Variants in SND1 observed in about 807,000 individuals in gnomAD.
SND1 encodes the protein staphylococcal nuclease domain-containing protein 1.
A neutral mutation model predicts 121.7 loss-of-function variants in SND1; 38 were observed. The observed-to-expected ratio is 0.31, with a 90% CI of 0.24 to 0.41. The LOEUF (loss-of-function observed/expected upper bound fraction) is 0.41, where lower values mean the gene tolerates loss of function less well. SND1 is among the 10% of genes least tolerant of loss of function. SND1 has a pLI of 1.00. For missense variants in SND1, 868 were observed against 1,184.6 expected (o/e 0.73, Z 3.92); for synonymous variants, 401 against 447.4 (o/e 0.90, Z 1.31).
intron 16 of SND1, chr7:128,028,785 G>A (rs1376264170): frequency 6.2e-7 from 1 of 1,614,138 alleles, no homozygotes. Flanking sequence ...GCTGTTTTCT[G>A]TCCAGTGGGC....
chr7:127,991,014 G>A lies in SND1; in HGVS notation c.1737G>A (p.Glu579=). ...GLVQEGEPFS[E]EATLFTKELV... ...TGCAGGAAGGAGAGCCCTTCAGCGA[G>A]GAAGCTACACTTTTCACCAAGGAAC... The change falls in exon 16 of 24, where the codon GAG becomes GAA. Residue 579 remains glutamate (E), a synonymous_variant. Coordinates refer to ENST00000354725, the MANE Select transcript of SND1 (RefSeq NM_014390.4). The A allele has an allele frequency of 6.2e-7, 1 of 1,614,054 alleles. No homozygotes were observed. The highest frequency in any genetic ancestry group is 1.1e-5 in the South Asian group (1 of 91,064).
At chr7:127,836,629 A>T (rs947184410) in intron 11 of SND1, among the ~76,000 whole-genome samples, 1 of 152,178 alleles carries the variant, frequency 6.6e-6, no homozygotes, top group Non-Finnish European at 1.5e-5. Flanking sequence ...AAAAATATAT[A>T]AAAATAAGTA....
At chr7:127,934,905 C>T (rs1417074786) in intron 15 of SND1, among the ~76,000 whole-genome samples, 2 of 152,050 alleles carry the variant, frequency 1.3e-5, no homozygotes, top group Non-Finnish European at 2.9e-5. Flanking sequence ...CTGCATGGAG[C>T]GGGCTGAGTG....
chr7:128,003,207 C>CA (rs1042299209), intron 16 of SND1, among the ~76,000 whole-genome samples: 2 of 150,062 alleles, frequency 1.3e-5, no homozygotes, highest in African/African-American at 2.4e-5. Context: ...CAAGACTCTC[C>CA]AAAAAAAAGA....
intron 10 of SND1, among the ~76,000 whole-genome samples, chr7:127,733,682 G>C (rs1391152725): frequency 1.3e-5 from 2 of 152,174 alleles, no homozygotes; most frequent in African/African-American, 4.8e-5. Flanking sequence ...TTCTGGGTTT[G>C]CACAGGACTG....
At chr7:128,090,610 G>A (rs1210790837) in intron 22 of SND1, among the ~76,000 whole-genome samples, 1 of 152,188 alleles carries the variant, frequency 6.6e-6, no homozygotes, top group Non-Finnish European at 1.5e-5. Flanking sequence ...GGCAAGAAAG[G>A]CGGGGCATGA....
At chr7:127,768,873 A>G (rs1265379671) in intron 10 of SND1, among the ~76,000 whole-genome samples, 1 of 152,218 alleles carries the variant, frequency 6.6e-6, no homozygotes, top group Non-Finnish European at 1.5e-5. Flanking sequence ...GGAACAGTTT[A>G]TAGTCAAGTC....
At chr7:127,696,805 ATAATT>A (rs1321005420) in intron 3 of SND1, among the ~76,000 whole-genome samples, 4 of 152,358 alleles carry the variant, frequency 2.6e-5, no homozygotes, top group Admixed American at 6.5e-5. Context: ...CAAACTGGAT[ATAATT>A]TAATTTAGTA....
In SND1 at chr7:128,085,830, C is replaced by G. The variant is rs776023762; in HGVS notation, c.2304+50C>G. On this transcript the variant is annotated intron_variant, in intron 20 of 23. Transcript: ENST00000354725. This position sits in a 1 kb window ranked among gnomAD's most constrained non-coding sequence, Gnocchi z 4.4. Reference sequence around the variant, plus strand: ...GGAGGGGCTATCAAACACAGCAGCCCCCGAGTCAAATCCATCTGATCTCTC... The same window carrying G: ...GGAGGGGCTATCAAACACAGCAGCCGCCGAGTCAAATCCATCTGATCTCTC... 11 of 1,493,402 alleles carry G rather than the reference C, an allele frequency of 7.4e-6. No individual in the cohort carries two copies. The highest frequency in any genetic ancestry group is 1.4e-5 in the African/African-American group (1 of 72,418). 92.5% of individuals were successfully genotyped at this position (1,493,402 alleles called of 1,614,324 possible). A position where few individuals can be genotyped will look rare whatever the true frequency, so the allele number is the denominator to read the frequency against.
intron 14 of SND1, among the ~76,000 whole-genome samples, chr7:127,926,260 C>T (rs1800830431): frequency 6.6e-6 from 1 of 152,092 alleles, no homozygotes; most frequent in Non-Finnish European, 1.5e-5. Flanking sequence ...GAAAGACATA[C>T]ACTTTTGTGT....
At chr7:128,010,717 G>A (rs562880331) in intron 16 of SND1, among the ~76,000 whole-genome samples, 1 of 152,352 alleles carries the variant, frequency 6.6e-6, no homozygotes, top group African/African-American at 2.4e-5. Context: ...GAGGTTCCTT[G>A]GCTTAGGCAG....
chr7:127,799,124 C>T (rs569210013), intron 10 of SND1, among the ~76,000 whole-genome samples: 2 of 152,184 alleles, frequency 1.3e-5, no homozygotes, highest in Middle Eastern at 3.2e-3. Context: ...GCTTGGTAGT[C>T]TGCATGGTTA....
intron 11 of SND1, among the ~76,000 whole-genome samples, chr7:127,841,985 G>A (rs1798973947): frequency 6.6e-6 from 1 of 152,146 alleles, no homozygotes; most frequent in Admixed American, 6.5e-5. Flanking sequence ...CTCTGATATG[G>A]CTCCATTCTG....
intron 10 of SND1, among the ~76,000 whole-genome samples, chr7:127,801,559 C>G (rs1383171223): frequency 1.3e-5 from 2 of 152,172 alleles, no homozygotes; most frequent in East Asian, 1.9e-4. Flanking sequence ...TACTGGTGCT[C>G]TGTGGAAAGC....
chr7:128,084,562 A>T (rs1584780661), intron 18 of SND1, among the ~76,000 whole-genome samples, 162 bp from the exon 19 acceptor site: 1 of 152,206 alleles, frequency 6.6e-6, no homozygotes, highest in East Asian at 1.9e-4. Flanking sequence ...TCTGGAGTGG[A>T]GACCAAGAGG....
chr7:127,944,749 G>A (rs1317308266), intron 15 of SND1, among the ~76,000 whole-genome samples: 1 of 152,148 alleles, frequency 6.6e-6, no homozygotes, highest in Non-Finnish European at 1.5e-5. Context: ...CTCCAGAATA[G>A]CCAGGGAGGT....
At chr7:127,738,345 C>T (rs1439981783) in intron 10 of SND1, among the ~76,000 whole-genome samples, 4 of 140,696 alleles carry the variant, frequency 2.8e-5, no homozygotes, top group Admixed American at 1.6e-4. Context: ...AGTGCAATGG[C>T]GCGATCTCGG....
At chr7:127,654,526 A>G (rs538793735) in intron 1 of SND1, among the ~76,000 whole-genome samples, 1 of 152,344 alleles carries the variant, frequency 6.6e-6, no homozygotes, top group Non-Finnish European at 1.5e-5. Context: ...CCAGTGATGC[A>G]TAACCACAAA....
intron 16 of SND1, chr7:128,030,601 A>T: frequency 6.3e-7 from 1 of 1,591,396 alleles, no homozygotes; most frequent in Non-Finnish European, 8.6e-7. Flanking sequence ...ATGGCATTCC[A>T]GGTGTGGTGG....
Sources: gnomAD v4.1 joint callset for allele counts (sites outside exome capture counted in the v4.1 genomes callset) on GRCh38, gnomAD v4.1.1 for gene constraint, Gnocchi (gnomAD v3.1) non-coding constraint, MANE v1.5 for transcripts, NCBI Gene and HGNC (gene_info 2026-07-23, HGNC 2026-07-21) for gene names.